Variants in PCSK9 observed in about 807,000 individuals in gnomAD.
The protein encoded by PCSK9 is convertase subtilisin/kexin type 9 preproprotein.
Under a neutral mutation model 62.1 loss-of-function variants are expected in PCSK9, and 57 were observed. The ratio of observed to expected loss-of-function variants is 0.92; its 90% CI spans 0.74 to 1.14. The LOEUF is 1.14. Among genes scored for constraint, PCSK9 ranks in the 50% most tolerant of loss-of-function variants. The pLI, the probability that PCSK9 is intolerant of heterozygous loss-of-function variation, is 0.00. For synonymous variants in PCSK9, 387 were observed against 409.4 expected, an observed-to-expected ratio of 0.95 and a Z score of 0.66; for missense variants, 870 against 959.8, an observed-to-expected ratio of 0.91 and a Z score of 1.24.
rs552545133 is a variant in PCSK9, at chr1:55,044,171, C to T, written c.399+137C>T. 4.6e-5 allele frequency: 48 copies of T among 1,035,360 alleles called. 1 individual carries two copies. The East Asian group carries it at 1.0e-3, about 22-fold the overall frequency. The allele number at this position is 1,035,360 out of a possible 1,614,324, so 64.1% of individuals were successfully genotyped here. On this transcript the variant is annotated intron_variant, in intron 2 of 11. Coordinates refer to ENST00000302118, the MANE Select transcript of PCSK9 (RefSeq NM_174936.4). Reference sequence around the variant, plus strand: ...TATGTATTGAGCACTTATCGGGTACCAAGCACAGTAACTACTGGCTTTCTG... The same window carrying T: ...TATGTATTGAGCACTTATCGGGTACTAAGCACAGTAACTACTGGCTTTCTG...
Position 55,043,890 on chromosome 1 carries a change from G to T in PCSK9, c.255G>T (p.Glu85Asp). The part of the protein sequence containing the change: ...PGTYVVVLKE[E>D]THLSQSERTA... ...CCTACGTGGTGGTGCTGAAGGAGGA[G>T]ACCCACCTCTCGCAGTCAGAGCGCA... Residue 85 changes from glutamate to aspartate, a missense_variant, in exon 2 of 12, where the codon GAG becomes GAT. By Grantham distance (45) the Glu-to-Asp change is conservative. Coordinates refer to ENST00000302118, the MANE Select transcript of PCSK9 (RefSeq NM_174936.4). The T allele has an allele frequency of 6.2e-7, 1 of 1,614,212 alleles. No homozygotes were observed. Among genetic ancestry groups the T allele is most frequent in the East Asian group, 2.2e-5 (1 of 44,880 alleles).
chr1:55,043,918 G>A lies in PCSK9; in HGVS notation c.283G>A (p.Ala95Thr). 6.2e-7 allele frequency: 1 copy of A among 1,614,182 alleles called. No homozygotes were observed. Among genetic ancestry groups the A allele is most frequent in the Non-Finnish European group, 8.5e-7 (1 of 1,180,030 alleles). The part of the protein sequence containing the change: ...ETHLSQSERT[A>T]RRLQAQAARR... ...CCACCTCTCGCAGTCAGAGCGCACT[G>A]CCCGCCGCCTGCAGGCCCAGGCTGC... The change falls in exon 2 of 12, where the codon GCC (alanine) becomes ACC (threonine). Residue 95 changes from alanine (A) to threonine (T), a missense_variant. By Grantham distance (58) the Ala-to-Thr change is moderately conservative. Coordinates refer to ENST00000302118, the MANE Select transcript of PCSK9 (RefSeq NM_174936.4).
intron 10 of PCSK9, among the ~76,000 whole-genome samples, chr1:55,060,605 TC>T (rs2100334432): frequency 6.6e-6 from 1 of 152,144 alleles, no homozygotes; most frequent in African/African-American, 2.4e-5. Flanking sequence ...CTAATCACGC[TC>T]CCCTTTGGAA....
rs528515821 is a variant in PCSK9 at position 55,064,654 on chromosome 1, A to G, written c.*1070A>G. 2 of 152,106 alleles carry G rather than the reference A, an allele frequency of 1.3e-5. No individual in the cohort carries two copies. The highest frequency in any genetic ancestry group is 1.3e-4 in the Admixed American group (2 of 15,292). 9.4% of individuals were successfully genotyped at this position (152,106 alleles called of 1,614,324 possible). Reference sequence around the variant, plus strand: ...GCATGGTCGGGGGAGAGGGCCAACAACTGTCCCTCCTTGAGCACCAGCCCC... The same window carrying G: ...GCATGGTCGGGGGAGAGGGCCAACAGCTGTCCCTCCTTGAGCACCAGCCCC... On this transcript the variant is annotated 3_prime_UTR_variant, in exon 12 of 12. Transcript: ENST00000302118.
At chr1:55,058,407 T>C in intron 8 of PCSK9, 92 bp from the exon 9 acceptor site, 3 of 1,585,068 alleles carry the variant, frequency 1.9e-6, no homozygotes, top group Non-Finnish European at 2.6e-6. Flanking sequence ...GTATGTTCTT[T>C]AAGCCCTCCT....
At chr1:55,050,874 A>C (rs1332747000) in intron 3 of PCSK9, 1 of 322,092 alleles carries the variant, frequency 3.1e-6, no homozygotes, top group East Asian at 1.1e-4. Flanking sequence ...GATGTAATTA[A>C]GCATCTCAAG....
Position 55,044,040 on chromosome 1 carries a change from C to A in PCSK9, c.399+6C>A, listed in dbSNP as rs1462086489. 1 of 1,614,100 alleles carries A rather than the reference C, an allele frequency of 6.2e-7. No homozygotes were observed. Among genetic ancestry groups the A allele is most frequent in the Admixed American group, 1.7e-5 (1 of 60,002 alleles). ...GTGGCGACCTGCTGGAGCTGGTGAG[C>A]CACCCTTTTTGGGAATGGCACTTCC... On this transcript the variant is annotated splice_donor_region_variant and intron_variant, in intron 2 of 11. Transcript: ENST00000302118.
intron 5 of PCSK9, among the ~76,000 whole-genome samples, chr1:55,053,328 G>A (rs1014010686): frequency 6.6e-6 from 1 of 152,096 alleles, no homozygotes; most frequent in African/African-American, 2.4e-5. Flanking sequence ...TTGAGAACTA[G>A]GACTCTGGGG....
rs751048732 is a variant in PCSK9, at chr1:55,052,710, G to A, written c.718G>A (p.Gly240Ser). The stretch of plus-strand genomic sequence containing the variant: ...AGGGGTGGTCAGCGGCCGGGATGCC[G>A]GCGTGGCCAAGGGTGCCAGCATGCG... ...LAGVVSGRDA[G>S]VAKGASMRSL... Residue 240 changes from glycine to serine, a missense_variant, in exon 5 of 12, where the codon GGC (glycine) becomes AGC (serine). Transcript: ENST00000302118. 18 of 1,613,060 alleles carry A rather than the reference G, an allele frequency of 1.1e-5. No individual in the cohort carries two copies. Among genetic ancestry groups the A allele is most frequent in the Middle Eastern group, 1.6e-4 (1 of 6,084 alleles).
Position 55,052,300 on chromosome 1 carries a change from G to GT in PCSK9, c.547dup (p.Tyr183LeufsTer10). Reference sequence around the variant, plus strand: ...AAGACGGAGGCAGCCTGGTGGAGGTGTATCTCCTAGACACCAGCATACAGA... The same window carrying GT: ...AAGACGGAGGCAGCCTGGTGGAGGTGTTATCTCCTAGACACCAGCATACAGA... On this transcript the variant is annotated frameshift_variant, in exon 4 of 12. Transcript: ENST00000302118. LOFTEE classifies it high-confidence loss of function. The GT allele has an allele frequency of 6.2e-7, 1 of 1,614,020 alleles. No individual in the cohort carries two copies. Among genetic ancestry groups the GT allele is most frequent in the Non-Finnish European group, 8.5e-7 (1 of 1,180,032 alleles).
chr1:55,060,732 G>A (rs1043388727), intron 10 of PCSK9, among the ~76,000 whole-genome samples: 13 of 152,176 alleles, frequency 8.5e-5, no homozygotes, highest in African/African-American at 3.1e-4. Flanking sequence ...GGCTGGACAT[G>A]CTGAGTGGCT....
chr1:55,043,774 G>T, intron 1 of PCSK9, 69 bp from the exon 2 acceptor site: 1 of 1,533,754 alleles, frequency 6.5e-7, no homozygotes, highest in South Asian at 1.1e-5. Flanking sequence ...AAGTAGGGGT[G>T]AGATAAAGTA....
chr1:55,044,227 C>T (rs2479411), intron 2 of PCSK9, among the ~76,000 whole-genome samples, 193 bp downstream of exon 2: 13,138 of 152,232 alleles, frequency 0.086, 808 homozygotes, highest in African/African-American at 0.17. Context: ...TGGCCATGCC[C>T]CAGTGGTACG....
chr1:55,051,255 A>G, intron 3 of PCSK9: 1 of 455,512 alleles, frequency 2.2e-6, no homozygotes, highest in Non-Finnish European at 4.4e-6. Context: ...CAGAAGACTC[A>G]GGAGACCCTG....
At position 55,057,545 on chromosome 1, in the gene PCSK9, G is replaced by A. The variant is rs747965075; in HGVS notation, c.1180+31G>A. 11 of 1,585,622 alleles carry A rather than the reference G, an allele frequency of 6.9e-6. No homozygotes were observed. The African/African-American group carries it at 8.1e-5, about 12-fold the overall frequency. On this transcript the variant is annotated intron_variant, in intron 7 of 11. Transcript: ENST00000302118. Reference sequence around the variant, plus strand: ...TCACCACCCCACTGCCTCGGCCACCGTGATGCTAACAGCCCCTTTGGCAGT... The same window carrying A: ...TCACCACCCCACTGCCTCGGCCACCATGATGCTAACAGCCCCTTTGGCAGT...
Position 55,063,982 on chromosome 1 carries a change from T to G in PCSK9, c.*398T>G. 9.4e-6 allele frequency: 2 copies of G among 211,740 alleles called. No individual in the cohort carries two copies. The highest frequency in any genetic ancestry group is 1.9e-5 in the Non-Finnish European group (2 of 105,574). The allele number at this position is 211,740 out of a possible 1,614,324, so 13.1% of individuals were successfully genotyped here. A position where few individuals can be genotyped will look rare whatever the true frequency, so the allele number is the denominator to read the frequency against. ...CACCAAGGAGGCAGGATTCTTCCCA[T>G]GGATAGGGGAGGGGGCGGTAGGGGC... On this transcript the variant is annotated 3_prime_UTR_variant, in exon 12 of 12. Coordinates refer to ENST00000302118, the MANE Select transcript of PCSK9 (RefSeq NM_174936.4).
chr1:55,055,088 T>TG (rs1274091981), intron 5 of PCSK9, among the ~76,000 whole-genome samples: 9 of 149,652 alleles, frequency 6.0e-5, no homozygotes, highest in African/African-American at 2.2e-4. Context: ...GGGAGTGGAG[T>TG]GCCACTGAGG....
intron 8 of PCSK9, 50 bp downstream of exon 8, chr1:55,058,259 T>A (rs1268768773): frequency 6.3e-7 from 1 of 1,585,092 alleles, no homozygotes. Flanking sequence ...TTGGGAGGTC[T>A]GTGTGACCTT....
intron 5 of PCSK9, among the ~76,000 whole-genome samples, chr1:55,053,923 T>C (rs934517288): frequency 3.9e-5 from 6 of 152,150 alleles, no homozygotes; most frequent in Non-Finnish European, 7.4e-5. Flanking sequence ...GTCCCTTCTT[T>C]GGGGTCCCAG....
Sources: allele counts gnomAD v4.1 joint callset (sites outside exome capture counted in the v4.1 genomes callset), GRCh38; gene constraint gnomAD v4.1.1; transcripts MANE v1.5; gene names NCBI Gene and HGNC (gene_info 2026-07-23, HGNC 2026-07-21).